The following RNF115 variants were observed in gnomAD, a reference collection of about 807,000 sequenced individuals.
RNF115 encodes E3 ubiquitin-protein ligase RNF115.
RNF115 carries 31 observed loss-of-function variants against 39.2 expected under a neutral mutation model. The ratio of observed to expected loss-of-function variants is 0.79; its 90% CI spans 0.59 to 1.07. The LOEUF is 1.07. Among genes scored for constraint, RNF115 ranks in the 50% least tolerant of loss-of-function variants. RNF115 has a pLI of 0.00. For missense variants in RNF115, 384 were observed against 381.7 expected, an observed-to-expected ratio of 1.01 and a Z score of -0.05; for synonymous variants, 124 against 131.0, an observed-to-expected ratio of 0.95 and a Z score of 0.37.
chr1:145,798,579 T>A (rs1649087084), intron 1 of RNF115, among the ~76,000 whole-genome samples: 1 of 152,210 alleles, frequency 6.6e-6, no homozygotes, highest in African/African-American at 2.4e-5. Context: ...AGTAATATAT[T>A]TTGAAATCAG....
chr1:145,822,685 C>A (rs1174644128), intron 1 of RNF115, among the ~76,000 whole-genome samples: 1 of 150,940 alleles, frequency 6.6e-6, no homozygotes, highest in African/African-American at 2.5e-5. Flanking sequence ...TGGGGGAGCT[C>A]CTCGTAGTAG....
intron 1 of RNF115, among the ~76,000 whole-genome samples, chr1:145,797,396 G>A (rs1649032548): frequency 6.6e-6 from 1 of 152,164 alleles, no homozygotes; most frequent in Admixed American, 6.5e-5. Flanking sequence ...CCTAATATAA[G>A]TGAAAGCATA....
intron 3 of RNF115, among the ~76,000 whole-genome samples, chr1:145,784,061 T>C (rs115501086): frequency 8.3e-4 from 125 of 150,454 alleles, no homozygotes; most frequent in African/African-American, 3.0e-3. Flanking sequence ...TAAACATCCT[T>C]AATCTACACC....
chr1:145,793,448 G>C (rs1253033390), intron 1 of RNF115, among the ~76,000 whole-genome samples: 1 of 152,092 alleles, frequency 6.6e-6, no homozygotes, highest in Non-Finnish European at 1.5e-5. Flanking sequence ...AGAGTCAATA[G>C]AAAAATGAAA....
chr1:145,778,680 G>GCC (rs1215555513), intron 3 of RNF115, among the ~76,000 whole-genome samples: 1 of 152,006 alleles, frequency 6.6e-6, no homozygotes, highest in Non-Finnish European at 1.5e-5. Flanking sequence ...CTTCCCTCCT[G>GCC]CCCCTTCCCA....
At chr1:145,805,923 G>A (rs971856765) in intron 1 of RNF115, among the ~76,000 whole-genome samples, 2 of 152,050 alleles carry the variant, frequency 1.3e-5, no homozygotes, top group African/African-American at 4.8e-5. Context: ...GCTATAAAAA[G>A]GGCTGACAAC....
rs1649744885 is a variant in RNF115, at chr1:145,811,943, A to ACG, written c.102+11828_102+11829insCG. ...TATATATATATATATACACACACAC[A>ACG]CATATATGTAGAAAAGCTGTATTAC... On this transcript the variant is annotated intron_variant, in intron 1 of 8. Transcript: ENST00000582693. 2.2e-5 allele frequency among the ~76,000 whole-genome samples: 3 copies of ACG among 133,384 alleles called. No homozygotes were observed. The East Asian group carries it at 6.1e-4, about 27-fold the overall frequency. The allele number at this position is 133,384 out of a possible 152,430, so 87.5% of individuals were successfully genotyped here.
rs1233037726 is a variant in RNF115, at chr1:145,823,940, G to A, written c.-67C>T. ...GTCCCTCGCCAGGCCGCTACCTCCCGAGCTGCAGTCGTCGCCGCCGCCGCC... is the reference window on the plus strand; with the variant it reads ...GTCCCTCGCCAGGCCGCTACCTCCCAAGCTGCAGTCGTCGCCGCCGCCGCC... On this transcript the variant is annotated 5_prime_UTR_variant, in exon 1 of 9. Coordinates refer to ENST00000582693, the MANE Select transcript of RNF115 (RefSeq NM_014455.4). 4 of 1,180,250 alleles carry A rather than the reference G, an allele frequency of 3.4e-6. No homozygotes were observed. In the African/African-American group the frequency reaches 4.9e-5, roughly 14 times the overall value. The allele number at this position is 1,180,250 out of a possible 1,614,324, so 73.1% of individuals were successfully genotyped here.
intron 3 of RNF115, among the ~76,000 whole-genome samples, chr1:145,783,875 G>A (rs1043059607): frequency 4.0e-5 from 6 of 151,108 alleles, no homozygotes; most frequent in South Asian, 2.1e-4. Flanking sequence ...GTCAATGGAC[G>A]AAGTGAAAAA....
intron 4 of RNF115, among the ~76,000 whole-genome samples, chr1:145,765,733 A>G (rs1046024353): frequency 1.3e-5 from 2 of 152,238 alleles, no homozygotes; most frequent in Admixed American, 6.5e-5. Flanking sequence ...TCAAGACCTA[A>G]TTAACTATCA....
At chr1:145,755,666 G>C (rs1209637403) in intron 4 of RNF115, among the ~76,000 whole-genome samples, 4 of 152,126 alleles carry the variant, frequency 2.6e-5, no homozygotes, top group Non-Finnish European at 5.9e-5. Flanking sequence ...AGTATCTTTG[G>C]AACCCAGCAG....
intron 4 of RNF115, among the ~76,000 whole-genome samples, chr1:145,753,719 A>T (rs1159561239): frequency 6.6e-6 from 1 of 151,848 alleles, no homozygotes; most frequent in Non-Finnish European, 1.5e-5. Context: ...ATGATATGCA[A>T]TTTTTTTTCT....
intron 4 of RNF115, among the ~76,000 whole-genome samples, chr1:145,761,436 CCT>C (rs1236937601): frequency 1.3e-5 from 2 of 152,302 alleles, no homozygotes; most frequent in East Asian, 1.9e-4. Flanking sequence ...GACTTGGTGC[CCT>C]GTGTCCCAGT....
chr1:145,745,459 AT>A lies in RNF115; in HGVS notation c.*1406del, dbSNP rs111376607. On this transcript the variant is annotated 3_prime_UTR_variant, in exon 9 of 9. Transcript: ENST00000582693. ...AAACAAAAAAAGCAGTGAGTTGGGG[AT>A]TTTTTTTTTTTTTTTGAGATGGAGT... 1,102 of 138,570 alleles carry A rather than the reference AT, an allele frequency of 8.0e-3. 6 individuals are homozygous for A. The highest frequency in any genetic ancestry group is 0.019 in the African/African-American group (699 of 37,372). 8.6% of individuals were successfully genotyped at this position (138,570 alleles called of 1,614,324 possible). A position where few individuals can be genotyped will look rare whatever the true frequency, so the allele number is the denominator to read the frequency against.
intron 4 of RNF115, among the ~76,000 whole-genome samples, chr1:145,764,021 C>T: frequency 6.6e-6 from 1 of 152,102 alleles, no homozygotes; most frequent in South Asian, 2.1e-4. Flanking sequence ...CTGCCTGATT[C>T]TCCTGCCTCA....
chr1:145,786,592 C>G (rs1648389933), intron 2 of RNF115, among the ~76,000 whole-genome samples: 1 of 152,202 alleles, frequency 6.6e-6, no homozygotes, highest in Non-Finnish European at 1.5e-5. Context: ...GACAAAGATT[C>G]ATCCTACAGT....
rs192698332 is a variant in RNF115, at chr1:145,793,547, G to T, written c.103-4581C>A. On this transcript the variant is annotated intron_variant, in intron 1 of 8. Coordinates refer to ENST00000582693, the MANE Select transcript of RNF115 (RefSeq NM_014455.4). Reference sequence around the variant, plus strand: ...CTCTACATGCCAACTCCCCCCAAATGTGTATCTCTATCCCAGGCCAGTCTT... The same window carrying T: ...CTCTACATGCCAACTCCCCCCAAATTTGTATCTCTATCCCAGGCCAGTCTT... Among the ~76,000 whole-genome samples, 12 of 151,986 alleles carry T rather than the reference G, an allele frequency of 7.9e-5. No individual in the cohort carries two copies. The East Asian group carries it at 2.3e-3, about 29-fold the overall frequency.
At chr1:145,786,261 G>A (rs1553718083) in intron 2 of RNF115, among the ~76,000 whole-genome samples, 1 of 152,166 alleles carries the variant, frequency 6.6e-6, no homozygotes, top group Non-Finnish European at 1.5e-5. Context: ...AAGAGCAGAT[G>A]GAGCCCATTA....
At chr1:145,797,048 C>A (rs1409332400) in intron 1 of RNF115, among the ~76,000 whole-genome samples, 3 of 152,174 alleles carry the variant, frequency 2.0e-5, no homozygotes, top group Admixed American at 6.5e-5. Context: ...TATCAAGGAA[C>A]TGAAACGTAC....
Sources: gnomAD v4.1 joint callset for allele counts (sites outside exome capture counted in the v4.1 genomes callset) on GRCh38, gnomAD v4.1.1 for gene constraint, MANE v1.5 for transcripts, NCBI Gene and HGNC (gene_info 2026-07-23, HGNC 2026-07-21) for gene names.